The following ATG2B variants were observed in gnomAD, a reference collection of about 807,000 sequenced individuals.
ATG2B encodes autophagy related 2B.
In ATG2B, 121 loss-of-function variants were observed where a neutral mutation model predicts 241.3. The observed-to-expected ratio is 0.50, with a 90% confidence interval of 0.43 to 0.58. The LOEUF (loss-of-function observed/expected upper bound fraction) is 0.58. Among genes scored for constraint, ATG2B ranks in the 20% least tolerant of loss-of-function variants. The pLI is 0.00. For missense variants in ATG2B, 2,306 were observed against 2,491.6 expected, an observed-to-expected ratio of 0.93 and a Z score of 1.59; for synonymous variants, 858 against 876.6, an observed-to-expected ratio of 0.98 and a Z score of 0.37.
chr14:96,294,804 T>G (rs1308721418), intron 36 of ATG2B, among the ~76,000 whole-genome samples, 156 bp downstream of exon 36: 1 of 152,150 alleles, frequency 6.6e-6, no homozygotes, highest in East Asian at 1.9e-4. Context: ...GGGGTGCAAT[T>G]AGATGGGGAC....
intron 14 of ATG2B, 22 bp downstream of exon 14, chr14:96,328,325 T>C: frequency 6.4e-7 from 1 of 1,555,098 alleles, no homozygotes. Context: ...ATGATTAGTA[T>C]TTGCAGCTTT....
chr14:96,347,132 C>T, intron 2 of ATG2B, 47 bp downstream of exon 2: 1 of 1,446,550 alleles, frequency 6.9e-7, no homozygotes, highest in Non-Finnish European at 9.3e-7. Flanking sequence ...CTTTCCCAGT[C>T]TCTGAAGAAT....
intron 18 of ATG2B, 131 bp downstream of exon 18, chr14:96,321,981 T>C: frequency 1.5e-6 from 1 of 674,550 alleles, no homozygotes; most frequent in African/African-American, 1.9e-5. Context: ...ATAGTCACCA[T>C]CAACACCACA....
chr14:96,331,667 T>C (rs1225587597), intron 10 of ATG2B, 30 bp from the exon 11 acceptor site: 2 of 1,506,734 alleles, frequency 1.3e-6, no homozygotes, highest in Non-Finnish European at 1.8e-6. Context: ...ATTATATACA[T>C]AAAATTTGAC....
In ATG2B at chr14:96,305,788, T is replaced by C; in HGVS notation, c.4534A>G (p.Ile1512Val). Residue 1512 changes from isoleucine (I) to valine (V), a missense_variant, in exon 31 of 42, where the codon ATC becomes GTC. By Grantham distance (29) the Ile-to-Val change is conservative. This residue lies in a region of ATG2B where 1,927 missense variants were observed against 2,011.2 expected (regional missense o/e 0.96). Coordinates refer to ENST00000359933, the MANE Select transcript of ATG2B (RefSeq NM_018036.7). ...ATCACAATTGCATCATCAACCATGA[T>C]TTTTATAACTGGTTCTTCTTCCTTC... Reference protein sequence around the residue: ...QEKEEEPVIKIMVDDAIVIRD... With the variant: ...QEKEEEPVIKVMVDDAIVIRD... The C allele has an allele frequency of 6.2e-7, 1 of 1,614,134 alleles. No individual in the cohort carries two copies. Among genetic ancestry groups the C allele is most frequent in the Non-Finnish European group, 8.5e-7 (1 of 1,179,962 alleles).
chr14:96,288,902 A>C (rs1886409892), intron 41 of ATG2B, among the ~76,000 whole-genome samples: 1 of 152,048 alleles, frequency 6.6e-6, no homozygotes, highest in African/African-American at 2.4e-5. Context: ...GTTACTCCCC[A>C]GTTGACCCTA....
At position 96,315,396 on chromosome 14, in the gene ATG2B, C is replaced by A; in HGVS notation, c.3549G>T (p.Glu1183Asp). Residue 1183 changes from glutamate to aspartate, a missense_variant, in exon 22 of 42, where the codon GAG becomes GAT. Glu to Asp is a conservative substitution (Grantham distance 45, BLOSUM62 2). Around this residue, in one of 2 missense-constraint regions of ATG2B, gnomAD observed 1,927 missense variants for 2,011.2 expected, o/e 0.96. Coordinates refer to ENST00000359933, the MANE Select transcript of ATG2B (RefSeq NM_018036.7). ...ACAAAACACAAACCTTTGTATTGGACTCTGATTTATCAGACAATATTTTAA... is the reference window on the plus strand; with the variant it reads ...ACAAAACACAAACCTTTGTATTGGAATCTGATTTATCAGACAATATTTTAA... Reference protein sequence around the residue: ...VAVKILSDKSESNTKEFLIAV... With the variant: ...VAVKILSDKSDSNTKEFLIAV... 2 of 1,613,974 alleles carry A rather than the reference C, an allele frequency of 1.2e-6. No individual in the cohort carries two copies. Among genetic ancestry groups the A allele is most frequent in the Non-Finnish European group, 1.7e-6 (2 of 1,179,858 alleles).
intron 29 of ATG2B, among the ~76,000 whole-genome samples, chr14:96,308,253 C>CATATATATATATATATATAT (rs1309788039): frequency 5.8e-4 from 21 of 36,400 alleles, no homozygotes; most frequent in South Asian, 3.1e-3. Context: ...TATATATATA[C>CATATATATATATATATATAT]ACACATATAT....
rs150445235 is a variant in ATG2B at position 96,288,196 on chromosome 14, T to C, written c.6006+1460A>G. Among the ~76,000 whole-genome samples, 119 of 152,302 alleles carry C rather than the reference T, an allele frequency of 7.8e-4. 3 individuals are homozygous for C. Among genetic ancestry groups the C allele is most frequent in the South Asian group, 2.9e-3 (14 of 4,812 alleles). ...CCAATCCTGGCTCCACTCCCTTTTC[T>C]CTGTGGTACTTGGGGAAGGCCACTG... On this transcript the variant is annotated intron_variant, in intron 41 of 41. Transcript: ENST00000359933.
intron 15 of ATG2B, among the ~76,000 whole-genome samples, chr14:96,324,885 G>A (rs560048489): frequency 2.3e-4 from 35 of 152,134 alleles, no homozygotes; most frequent in African/African-American, 7.9e-4. Flanking sequence ...GGGAACTTTT[G>A]CAAACTATTC....
At chr14:96,327,873 A>G (rs1887624650) in intron 14 of ATG2B, among the ~76,000 whole-genome samples, 1 of 152,164 alleles carries the variant, frequency 6.6e-6, no homozygotes, top group African/African-American at 2.4e-5. Flanking sequence ...CCCAAGCTGA[A>G]GTGCAGTGAT....
intron 1 of ATG2B, among the ~76,000 whole-genome samples, chr14:96,352,293 G>A (rs1011712350): frequency 1.3e-5 from 2 of 152,082 alleles, no homozygotes; most frequent in African/African-American, 4.8e-5. Context: ...TAATACTCGA[G>A]GGTGATAATA....
chr14:96,293,989 A>G (rs976027941), intron 36 of ATG2B, among the ~76,000 whole-genome samples: 8 of 152,244 alleles, frequency 5.3e-5, no homozygotes, highest in African/African-American at 1.9e-4. Context: ...TAAAAGGATC[A>G]ATGTAGGAAA....
chr14:96,320,781 T>C (rs1887438672), intron 18 of ATG2B, among the ~76,000 whole-genome samples: 1 of 152,182 alleles, frequency 6.6e-6, no homozygotes, highest in Admixed American at 6.5e-5. Context: ...AGTCATTTCA[T>C]TTCCCTCAAT....
At position 96,289,454 on chromosome 14, in the gene ATG2B, T is replaced by C. The variant is rs1886423810; in HGVS notation, c.6006+202A>G. ...AGAATCCATCCACCCACGCAATCAC[T>C]AGTATTCCTGTCAGCCTATTGGTCC... On this transcript the variant is annotated intron_variant, in intron 41 of 41. Coordinates refer to ENST00000359933, the MANE Select transcript of ATG2B (RefSeq NM_018036.7). The surrounding 1 kb of genome is among the most constrained non-coding windows in gnomAD (Gnocchi z 4.3). The C allele has an allele frequency of 1.8e-6, 1 of 550,460 alleles. No homozygotes were observed. Among genetic ancestry groups the C allele is most frequent in the South Asian group, 2.5e-5 (1 of 40,388 alleles). The allele number at this position is 550,460 out of a possible 1,614,324, so 34.1% of individuals were successfully genotyped here.
chr14:96,284,100 T>C lies in ATG2B; in HGVS notation c.*1655A>G, dbSNP rs1015960654. 4 of 152,200 alleles carry C rather than the reference T, an allele frequency of 2.6e-5. No homozygotes were observed. Among genetic ancestry groups the C allele is most frequent in the Admixed American group, 1.3e-4 (2 of 15,286 alleles). The allele number at this position is 152,200 out of a possible 1,614,324, so 9.4% of individuals were successfully genotyped here. ...CTAATCATAACTGGGTTAACACACA[T>C]AGCAAGTTTCCTTAAGGGCAAATGG... On this transcript the variant is annotated 3_prime_UTR_variant, in exon 42 of 42. Transcript: ENST00000359933.
chr14:96,317,708 T>TGCA lies in ATG2B; in HGVS notation c.3024_3026dup (p.Ala1009dup). On this transcript the variant is annotated inframe_insertion, in exon 19 of 42. Coordinates refer to ENST00000359933, the MANE Select transcript of ATG2B (RefSeq NM_018036.7). ...TTAAAAATATATTACCATAGTGAAC[T>TGCA]GCAGATTTAAATGCACTAAAACTAT... is the stretch of plus-strand genomic sequence containing the variant. 1 of 1,606,074 alleles carries TGCA rather than the reference T, an allele frequency of 6.2e-7. No homozygotes were observed. The highest frequency in any genetic ancestry group is 8.5e-7 in the Non-Finnish European group (1 of 1,175,408).
chr14:96,332,848 A>C (rs1887777336), intron 8 of ATG2B, among the ~76,000 whole-genome samples, 193 bp from the exon 9 acceptor site: 1 of 152,196 alleles, frequency 6.6e-6, no homozygotes, highest in Admixed American at 6.5e-5. Context: ...AACTCAATAT[A>C]AATTAATAAA....
Position 96,328,691 on chromosome 14 carries a change from C to A in ATG2B, c.1957G>T (p.Glu653Ter). Residue 653 changes from glutamate (E) to a stop codon, truncating the protein, a stop_gained, in exon 13 of 42, where the codon GAG (glutamate) becomes TAG (stop). Coordinates refer to ENST00000359933, the MANE Select transcript of ATG2B (RefSeq NM_018036.7). LOFTEE classifies it high-confidence loss of function. ...TCTCTTACCTGGGGCCCTCTATTCTCAGAATGCTTATAATGAAGCTGAAGA... is the reference window on the plus strand; with the variant it reads ...TCTCTTACCTGGGGCCCTCTATTCTAAGAATGCTTATAATGAAGCTGAAGA... ...VCLQLHYKHS[E>*]NRGPQGNQAR... The A allele has an allele frequency of 6.2e-7, 1 of 1,608,892 alleles. No homozygotes were observed. Among genetic ancestry groups the A allele is most frequent in the South Asian group, 1.1e-5 (1 of 89,126 alleles).
Sources: allele counts gnomAD v4.1 joint callset (sites outside exome capture counted in the v4.1 genomes callset), GRCh38; gene constraint gnomAD v4.1.1; regional missense constraint gnomAD v4.1.1; non-coding constraint Gnocchi (gnomAD v3.1); transcripts MANE v1.5; gene names NCBI Gene and HGNC (gene_info 2026-07-23, HGNC 2026-07-21).